Variants in ARB2A observed in about 807,000 individuals in gnomAD.
The protein encoded by ARB2A is cotranscriptional regulator ARB2A.
the ARB2A span, among the ~76,000 whole-genome samples, chr5:93,968,100 C>A: frequency 6.6e-6 from 1 of 152,106 alleles, no homozygotes; most frequent in African/African-American, 2.4e-5. Flanking sequence ...AAATCTCACA[C>A]TAAAGACCTA....
At chr5:94,030,760 G>A in the ARB2A span, among the ~76,000 whole-genome samples, 2 of 152,158 alleles carry the variant, frequency 1.3e-5, no homozygotes, top group Non-Finnish European at 2.9e-5. Flanking sequence ...TTAGATTAAT[G>A]TCTTTCTTGC....
At chr5:94,012,178 A>G in the ARB2A span, among the ~76,000 whole-genome samples, 34 of 152,188 alleles carry the variant, frequency 2.2e-4, no homozygotes, top group Admixed American at 1.6e-3. Flanking sequence ...CAAGGCGGGC[A>G]GATCACAAGG....
At chr5:93,631,335 T>G in the ARB2A span, among the ~76,000 whole-genome samples, 2 of 152,216 alleles carry the variant, frequency 1.3e-5, no homozygotes, top group African/African-American at 4.8e-5. Context: ...TATAGACAGC[T>G]GTTATAGAAA....
the ARB2A span, among the ~76,000 whole-genome samples, chr5:93,840,852 A>T: frequency 2.6e-5 from 4 of 152,266 alleles, no homozygotes; most frequent in South Asian, 8.3e-4. Context: ...CTTCTATGCT[A>T]TACTAACTAT....
the ARB2A span, among the ~76,000 whole-genome samples, chr5:93,869,453 C>T: frequency 6.6e-6 from 1 of 152,122 alleles, no homozygotes; most frequent in Non-Finnish European, 1.5e-5. Flanking sequence ...TAGTCATGGA[C>T]AGAGGCAACT....
chr5:94,094,481 T>C, the ARB2A span, among the ~76,000 whole-genome samples: 1 of 152,182 alleles, frequency 6.6e-6, no homozygotes, highest in Non-Finnish European at 1.5e-5. Flanking sequence ...ACATACAAAT[T>C]GGAGGGACAT....
chr5:93,943,057 T>C, the ARB2A span, among the ~76,000 whole-genome samples: 3 of 152,112 alleles, frequency 2.0e-5, no homozygotes, highest in African/African-American at 7.2e-5. Flanking sequence ...GGTTAGAATG[T>C]TTTGTGTTAT....
At chr5:93,788,715 C>G in the ARB2A span, among the ~76,000 whole-genome samples, 1 of 152,138 alleles carries the variant, frequency 6.6e-6, no homozygotes. Flanking sequence ...TTTAATTTAA[C>G]TTATACTGAA....
chr5:93,952,614 T>C, the ARB2A span, among the ~76,000 whole-genome samples: 1 of 152,182 alleles, frequency 6.6e-6, no homozygotes, highest in Non-Finnish European at 1.5e-5. Context: ...TCCTTGACCT[T>C]TGGGAATTTA....
chr5:94,028,221 A>G, the ARB2A span, among the ~76,000 whole-genome samples: 1 of 152,214 alleles, frequency 6.6e-6, no homozygotes, highest in African/African-American at 2.4e-5. Flanking sequence ...TGGCCCAGGT[A>G]AAAAGCAGTC....
the ARB2A span, among the ~76,000 whole-genome samples, chr5:93,963,872 C>T: frequency 2.0e-5 from 3 of 151,662 alleles, no homozygotes; most frequent in Admixed American, 6.6e-5. Context: ...TTTTTTGTTT[C>T]GTTTTGTTTT....
the ARB2A span, chr5:94,055,823 C>A: frequency 3.0e-6 from 3 of 985,288 alleles, no homozygotes; most frequent in Non-Finnish European, 3.6e-6. Flanking sequence ...AACTTACAAA[C>A]CTTTTAATCA....
the ARB2A span, among the ~76,000 whole-genome samples, chr5:93,815,811 T>C: frequency 6.6e-6 from 1 of 152,192 alleles, no homozygotes; most frequent in Non-Finnish European, 1.5e-5. Context: ...ACCCATTGCC[T>C]TGATTTTCTG....
the ARB2A span, among the ~76,000 whole-genome samples, chr5:93,923,787 C>A: frequency 6.6e-6 from 1 of 152,046 alleles, no homozygotes; most frequent in Non-Finnish European, 1.5e-5. Context: ...TCAGCCTGGG[C>A]AAGAGAGTGA....
chr5:93,881,649 A>G, the ARB2A span: 2 of 1,597,580 alleles, frequency 1.3e-6, no homozygotes, highest in Non-Finnish European at 1.7e-6. Context: ...ACTTCAATAT[A>G]GTTTTCATTG....
chr5:94,066,039 AAAG>A, the ARB2A span, among the ~76,000 whole-genome samples: 2 of 152,306 alleles, frequency 1.3e-5, no homozygotes, highest in Admixed American at 6.5e-5. Flanking sequence ...AAATCAATAA[AAAG>A]AAGAACTTCA....
the ARB2A span, among the ~76,000 whole-genome samples, chr5:93,900,321 G>A: frequency 6.6e-6 from 1 of 152,038 alleles, no homozygotes; most frequent in African/African-American, 2.4e-5. Context: ...AGATAAGAAT[G>A]TGATACATGG....
the ARB2A span, among the ~76,000 whole-genome samples, chr5:93,799,119 C>T: frequency 6.6e-6 from 1 of 152,064 alleles, no homozygotes; most frequent in Non-Finnish European, 1.5e-5. Context: ...ACAAACATCC[C>T]AGCTGATGAA....
the ARB2A span, among the ~76,000 whole-genome samples, chr5:93,746,482 T>C: frequency 6.6e-6 from 1 of 152,212 alleles, no homozygotes; most frequent in African/African-American, 2.4e-5. Context: ...TTTCTTTAAT[T>C]TCAGATTAAG....
Sources: gnomAD v4.1 joint callset for allele counts (sites outside exome capture counted in the v4.1 genomes callset) on GRCh38, gnomAD v4.1.1 for gene constraint, MANE v1.5 for transcripts, NCBI Gene and HGNC (gene_info 2026-07-23, HGNC 2026-07-21) for gene names.